Variants in SAMM50 observed in about 807,000 individuals in gnomAD.
SAMM50 encodes the protein sorting and assembly machinery component 50 homolog.
SAMM50 carries 47 observed loss-of-function variants against 66.9 expected under a neutral mutation model. That is an observed-to-expected ratio of 0.70 (90% CI 0.56 to 0.90). The LOEUF is 0.90. SAMM50 is among the 40% of genes least tolerant of loss of function. SAMM50 has a pLI of 0.00. For missense variants in SAMM50, 535 were observed against 595.3 expected, an observed-to-expected ratio of 0.90 and a Z score of 1.05; for synonymous variants, 191 against 214.1, an observed-to-expected ratio of 0.89 and a Z score of 0.94.
In SAMM50 at chr22:43,991,208, C is replaced by G. The variant is rs564339126; in HGVS notation, c.1364+802C>G. 5.3e-5 allele frequency among the ~76,000 whole-genome samples: 8 copies of G among 151,936 alleles called. No homozygotes were observed. In the South Asian group the frequency reaches 1.7e-3, roughly 32 times the overall value. ...GGTCAGGGTGGTGTCAAACTCCTGA[C>G]CTCGTGATCTGCCTGCCTCAGCCTC... On this transcript the variant is annotated intron_variant, in intron 14 of 14. Transcript: ENST00000350028.
chr22:43,955,641 A>G (rs777798084), intron 1 of SAMM50, 43 bp downstream of exon 1: 4 of 1,558,780 alleles, frequency 2.6e-6, no homozygotes, highest in Non-Finnish European at 3.5e-6. Flanking sequence ...CCTCTGGGCC[A>G]GCAGGGCAGA....
At chr22:43,977,801 A>C in intron 9 of SAMM50, 71 bp from the exon 10 acceptor site, 2 of 1,066,562 alleles carry the variant, frequency 1.9e-6, no homozygotes, top group Non-Finnish European at 2.8e-6. Context: ...ATCCTGATGC[A>C]AAAACATGAT....
rs10452 is a variant in SAMM50, at chr22:43,983,942, T to A, written c.1017T>A (p.Leu339=). 33 of 1,609,794 alleles carry A rather than the reference T, an allele frequency of 2.0e-5. No homozygotes were observed. The East Asian group carries it at 7.2e-4, about 35-fold the overall frequency. Residue 339 remains leucine, a synonymous_variant, in exon 12 of 15, where the codon CTT becomes CTA. Coordinates refer to ENST00000350028, the MANE Select transcript of SAMM50 (RefSeq NM_015380.5). The surrounding 1 kb of genome is among the most constrained non-coding windows in gnomAD (Gnocchi z 4.2). ...KPSSIADRFY[L]GGPTSIRGFS... ...TGCTGTTTTGTCCTAGGTTTTACCTTGGGGGACCCACAAGCATCCGCGGAT... is the reference window on the plus strand; with the variant it reads ...TGCTGTTTTGTCCTAGGTTTTACCTAGGGGGACCCACAAGCATCCGCGGAT...
intron 12 of SAMM50, among the ~76,000 whole-genome samples, chr22:43,984,904 A>G (rs543784791): frequency 2.0e-5 from 3 of 152,158 alleles, no homozygotes; most frequent in Non-Finnish European, 2.9e-5. Context: ...TGCTGGGATT[A>G]CAGATGTGAG....
intron 8 of SAMM50, among the ~76,000 whole-genome samples, chr22:43,976,390 T>C (rs1000157701): frequency 1.3e-5 from 2 of 152,026 alleles, no homozygotes; most frequent in Non-Finnish European, 2.9e-5. Flanking sequence ...CAGGAAGAGG[T>C]GTGCTTCAGA....
chr22:43,979,161 A>G (rs566361057), intron 10 of SAMM50, among the ~76,000 whole-genome samples: 10 of 152,252 alleles, frequency 6.6e-5, no homozygotes, highest in African/African-American at 1.9e-4. Flanking sequence ...CCTCATAGGC[A>G]TGGCTTGCCC....
At chr22:43,957,568 G>A (rs909860595) in intron 1 of SAMM50, among the ~76,000 whole-genome samples, 1 of 152,048 alleles carries the variant, frequency 6.6e-6, no homozygotes, top group South Asian at 2.1e-4. Context: ...GATTATAGGC[G>A]CACGCCACCA....
chr22:43,979,758 C>T (rs750554528), intron 10 of SAMM50, among the ~76,000 whole-genome samples: 1 of 152,052 alleles, frequency 6.6e-6, no homozygotes, highest in African/African-American at 2.4e-5. Flanking sequence ...TGCCTGTAGC[C>T]CTTGATCCTT....
chr22:43,964,017 C>T (rs904194660), intron 2 of SAMM50, among the ~76,000 whole-genome samples: 6 of 152,218 alleles, frequency 3.9e-5, no homozygotes, highest in African/African-American at 1.4e-4. Context: ...AAGTGTTTCT[C>T]CTGCCTCAGC....
At position 43,983,898 on chromosome 22, in the gene SAMM50, G is replaced by C; in HGVS notation, c.1008-35G>C. 1 of 1,517,466 alleles carries C rather than the reference G, an allele frequency of 6.6e-7. No individual in the cohort carries two copies. The highest frequency in any genetic ancestry group is 1.2e-5 in the South Asian group (1 of 84,818). 94.0% of individuals were successfully genotyped at this position (1,517,466 alleles called of 1,614,324 possible). ...TGTGTCATGTCGTTTCTCACCTCCT[G>C]ACTTTCCTCTGACCTGTGTGCTGTT... On this transcript the variant is annotated intron_variant, in intron 11 of 14. Coordinates refer to ENST00000350028, the MANE Select transcript of SAMM50 (RefSeq NM_015380.5). The surrounding 1 kb of genome is among the most constrained non-coding windows in gnomAD (Gnocchi z 4.2).
chr22:43,975,718 C>G (rs2050227785), intron 7 of SAMM50: 1 of 201,758 alleles, frequency 5.0e-6, no homozygotes, highest in Non-Finnish European at 1.0e-5. Context: ...AGGTGTCTTA[C>G]CCATTACAAA....
At chr22:43,980,063 C>CCCATCCATCCATCCATCCGTCCGT (rs1306264918) in intron 10 of SAMM50, among the ~76,000 whole-genome samples, 10 of 109,886 alleles carry the variant, frequency 9.1e-5, no homozygotes, top group Admixed American at 1.9e-4. Context: ...CACCCATTTA[C>CCCATCCATCCATCCATCCGTCCGT]CCATCCATCC....
chr22:43,981,632 T>G (rs922250641), intron 11 of SAMM50, among the ~76,000 whole-genome samples, 171 bp downstream of exon 11: 2 of 152,246 alleles, frequency 1.3e-5, no homozygotes, highest in African/African-American at 4.8e-5. Flanking sequence ...ACCTCACACT[T>G]AATATTTTTT....
At chr22:43,960,755 A>T (rs1195327391) in intron 1 of SAMM50, among the ~76,000 whole-genome samples, 1 of 152,110 alleles carries the variant, frequency 6.6e-6, no homozygotes, top group Non-Finnish European at 1.5e-5. Flanking sequence ...CAGAAGGGGT[A>T]CCTGTGAAGG....
chr22:43,961,072 G>A (rs1219593225), intron 1 of SAMM50, among the ~76,000 whole-genome samples: 1 of 152,178 alleles, frequency 6.6e-6, no homozygotes, highest in Non-Finnish European at 1.5e-5. Flanking sequence ...TTAGGGAAGG[G>A]CCTGGAAAGG....
chr22:43,994,422 G>A (rs1364483599), intron 14 of SAMM50, among the ~76,000 whole-genome samples: 2 of 152,170 alleles, frequency 1.3e-5, no homozygotes, highest in African/African-American at 4.8e-5. Flanking sequence ...TGCACCTGGT[G>A]TTGGAAGTGA....
At chr22:43,975,374 T>C (rs2050226033) in intron 7 of SAMM50, 2 of 152,362 alleles carry the variant, frequency 1.3e-5, no homozygotes, top group South Asian at 4.1e-4. Flanking sequence ...TGGGGTGACG[T>C]GGCTTCCTTG....
chr22:43,957,796 G>A (rs1231297832), intron 1 of SAMM50, among the ~76,000 whole-genome samples: 1 of 149,112 alleles, frequency 6.7e-6, no homozygotes, highest in African/African-American at 2.5e-5. Flanking sequence ...GTCTTGCTCT[G>A]TGCCCAGGCT....
chr22:43,958,836 C>T (rs1236314658), intron 1 of SAMM50, among the ~76,000 whole-genome samples: 3 of 152,136 alleles, frequency 2.0e-5, no homozygotes, highest in South Asian at 2.1e-4. Flanking sequence ...GAGAAAAAAA[C>T]GTTTTCAGTT....
Sources: allele counts gnomAD v4.1 joint callset (sites outside exome capture counted in the v4.1 genomes callset), GRCh38; gene constraint gnomAD v4.1.1; non-coding constraint Gnocchi (gnomAD v3.1); transcripts MANE v1.5; gene names NCBI Gene and HGNC (gene_info 2026-07-23, HGNC 2026-07-21).